Variants in LINGO2 observed in about 807,000 individuals in gnomAD.
LINGO2 encodes the protein leucine-rich repeat and immunoglobulin-like domain-containing nogo receptor-interacting protein 2.
LINGO2 carries 14 observed loss-of-function variants against 30.6 expected under a neutral mutation model. The ratio of observed to expected loss-of-function variants is 0.46; its 90% confidence interval spans 0.30 to 0.72. The LOEUF is 0.72. Among genes scored for constraint, LINGO2 ranks in the 30% least tolerant of loss-of-function variants. The probability of loss-of-function intolerance (pLI) is 0.07; values close to 1 mark genes in which losing one functional copy is unlikely to be tolerated. For synonymous variants in LINGO2, 317 were observed against 288.5 expected (o/e 1.10, Z -1.00); for missense variants, 729 against 751.7 (o/e 0.97, Z 0.35).
intron 5 of LINGO2, 141 bp from the exon 7 acceptor site, chr9:27,950,847 A>G (rs1397553004): frequency 7.1e-6 from 3 of 421,668 alleles, no homozygotes; most frequent in Non-Finnish European, 1.2e-5. Flanking sequence ...AACCTGATGG[A>G]CGACCCTCTT....
the LINGO2 span, among the ~76,000 whole-genome samples, chr9:29,065,812 C>CA: frequency 5.4e-3 from 804 of 149,554 alleles, 11 homozygotes; most frequent in African/African-American, 0.018. Context: ...AAAAGACAGA[C>CA]AAAAAAAAAT....
intron 1 of LINGO2, among the ~76,000 whole-genome samples, chr9:28,498,006 C>G (rs576089156): frequency 6.6e-6 from 1 of 152,150 alleles, no homozygotes; most frequent in Non-Finnish European, 1.5e-5. Flanking sequence ...GCTGCCTGAT[C>G]GTTCCTCTGG....
chr9:28,765,176 A>C, the LINGO2 span, among the ~76,000 whole-genome samples: 1 of 152,116 alleles, frequency 6.6e-6, no homozygotes, highest in East Asian at 1.9e-4. Context: ...CAAAAGGCCC[A>C]AAACAAACAA....
chr9:29,122,792 C>A, the LINGO2 span, among the ~76,000 whole-genome samples: 9 of 152,062 alleles, frequency 5.9e-5, no homozygotes, highest in Middle Eastern at 3.2e-3. Context: ...TATGACCAAA[C>A]AGCTCACGTT....
intron 1 of LINGO2, among the ~76,000 whole-genome samples, chr9:28,628,893 T>C (rs1053358162): frequency 6.6e-6 from 1 of 152,106 alleles, no homozygotes; most frequent in African/African-American, 2.4e-5. Context: ...GTGTAATACT[T>C]AACCAGCTCC....
intron 2 of LINGO2, among the ~76,000 whole-genome samples, chr9:28,428,472 A>T (rs1296886258): frequency 6.6e-6 from 1 of 152,168 alleles, no homozygotes; most frequent in African/African-American, 2.4e-5. Context: ...GGTTATTTTC[A>T]TGTCTAATCA....
chr9:28,404,760 C>A (rs944737192), intron 2 of LINGO2, among the ~76,000 whole-genome samples: 1 of 152,122 alleles, frequency 6.6e-6, no homozygotes, highest in African/African-American at 2.4e-5. Flanking sequence ...TTTGTGTAAT[C>A]ATTTTTTGCC....
the LINGO2 span, among the ~76,000 whole-genome samples, chr9:28,721,660 G>A: frequency 3.9e-5 from 6 of 152,150 alleles, no homozygotes; most frequent in African/African-American, 1.2e-4. Flanking sequence ...GGTCTGTTGG[G>A]GGATGGGGAG....
the LINGO2 span, among the ~76,000 whole-genome samples, chr9:29,125,191 A>G: frequency 4.5e-4 from 69 of 152,258 alleles, no homozygotes; most frequent in Non-Finnish European, 9.0e-4. Context: ...GTTCTCACTC[A>G]TAAGTCGGAG....
intron 2 of LINGO2, among the ~76,000 whole-genome samples, chr9:28,395,563 A>G (rs553099051): frequency 1.2e-4 from 19 of 152,354 alleles, no homozygotes; most frequent in African/African-American, 4.1e-4. Context: ...TGCTGCTTAA[A>G]GTGGAAAGCC....
At chr9:28,760,561 T>C in the LINGO2 span, among the ~76,000 whole-genome samples, 1 of 151,976 alleles carries the variant, frequency 6.6e-6, no homozygotes, top group Non-Finnish European at 1.5e-5. Context: ...CTTACATGAG[T>C]AAGTTCTTTA....
the LINGO2 span, among the ~76,000 whole-genome samples, chr9:29,010,663 A>G: frequency 0.87 from 132,788 of 152,118 alleles, 58,593 homozygotes; most frequent in Non-Finnish European, 0.93. Context: ...TTTAGAATCT[A>G]AAACTACTAC....
chr9:29,039,578 T>C, the LINGO2 span, among the ~76,000 whole-genome samples: 1 of 152,170 alleles, frequency 6.6e-6, no homozygotes, highest in African/African-American at 2.4e-5. Flanking sequence ...CCCAGTTCTG[T>C]CTACTTTGCA....
At chr9:28,108,038 T>C (rs952136540) in intron 4 of LINGO2, among the ~76,000 whole-genome samples, 4 of 152,136 alleles carry the variant, frequency 2.6e-5, no homozygotes, top group African/African-American at 9.6e-5. Context: ...AGTTCACTGA[T>C]GCTCAGACAC....
At chr9:28,613,918 C>T (rs1303218319) in intron 1 of LINGO2, among the ~76,000 whole-genome samples, 2 of 151,474 alleles carry the variant, frequency 1.3e-5, no homozygotes, top group East Asian at 1.9e-4. Context: ...AATGGATACC[C>T]AACTTTGAAT....
chr9:27,983,442 C>G (rs1203206623), intron 5 of LINGO2, among the ~76,000 whole-genome samples: 1 of 151,782 alleles, frequency 6.6e-6, no homozygotes, highest in Non-Finnish European at 1.5e-5. Flanking sequence ...AACCCAGATA[C>G]AAGTCATCAT....
At chr9:28,753,708 T>TA in the LINGO2 span, among the ~76,000 whole-genome samples, 1 of 151,212 alleles carries the variant, frequency 6.6e-6, no homozygotes, top group African/African-American at 2.4e-5. Flanking sequence ...GAGATTATCT[T>TA]AAAGTTTAGA....
the LINGO2 span, among the ~76,000 whole-genome samples, chr9:29,202,431 G>A: frequency 5.9e-5 from 9 of 151,974 alleles, no homozygotes; most frequent in East Asian, 1.7e-3. Context: ...TTTAAATACT[G>A]CTTCCAACAT....
chr9:28,868,462 C>A, the LINGO2 span, among the ~76,000 whole-genome samples: 6,540 of 152,030 alleles, frequency 0.043, 214 homozygotes, highest in Admixed American at 0.084. Context: ...CTTTTGTTCT[C>A]CCTGCTTCAA....
Sources: gnomAD v4.1 joint callset for allele counts (sites outside exome capture counted in the v4.1 genomes callset) on GRCh38, gnomAD v4.1.1 for gene constraint, MANE v1.5 for transcripts, NCBI Gene and HGNC (gene_info 2026-07-23, HGNC 2026-07-21) for gene names.